The following CTNNA3 variants were observed in gnomAD, a reference collection of about 807,000 sequenced individuals.
CTNNA3 encodes the protein catenin alpha-3.
Under a neutral mutation model 95.7 loss-of-function variants are expected in CTNNA3, and 76 were observed. That is an observed-to-expected ratio of 0.79 (90% CI 0.66 to 0.96). The LOEUF is 0.96. Ranked by LOEUF, CTNNA3 falls within the 40% of genes least tolerant of loss-of-function variation. CTNNA3 has a pLI of 0.00. For missense variants in CTNNA3, 1,191 were observed against 1,089.8 expected (o/e 1.09, Z -1.31); for synonymous variants, 431 against 374.4 (o/e 1.15, Z -1.74).
chr10:67,039,858 T>C (rs1370516406), intron 7 of CTNNA3, among the ~76,000 whole-genome samples: 3 of 152,166 alleles, frequency 2.0e-5, no homozygotes, highest in Admixed American at 6.5e-5. Context: ...TCCAAGACCG[T>C]TACAGATTAA....
intron 7 of CTNNA3, among the ~76,000 whole-genome samples, chr10:66,971,433 A>G (rs949428854): frequency 6.6e-6 from 1 of 152,196 alleles, no homozygotes; most frequent in African/African-American, 2.4e-5. Flanking sequence ...TCTCAAAAAA[A>G]AAAATACATA....
intron 7 of CTNNA3, chr10:67,012,257 G>T (rs1309750835): frequency 2.0e-5 from 3 of 152,114 alleles, no homozygotes; most frequent in African/African-American, 7.2e-5. Flanking sequence ...GGATCATCTA[G>T]TCCAACCCAT....
intron 9 of CTNNA3, among the ~76,000 whole-genome samples, chr10:66,750,627 G>C (rs568870999): frequency 6.6e-6 from 1 of 152,182 alleles, no homozygotes; most frequent in East Asian, 1.9e-4. Context: ...TTTACAATAA[G>C]GCCTGAAGGC....
chr10:66,302,572 T>C (rs909681438), intron 12 of CTNNA3, among the ~76,000 whole-genome samples: 6 of 152,080 alleles, frequency 3.9e-5, no homozygotes, highest in African/African-American at 1.4e-4. Context: ...AAACAGACAT[T>C]AGTAGTGAAA....
intron 5 of CTNNA3, among the ~76,000 whole-genome samples, chr10:67,441,025 C>A (rs1352696888): frequency 6.6e-6 from 1 of 151,422 alleles, no homozygotes; most frequent in African/African-American, 2.4e-5. Flanking sequence ...CAAAAAGCTG[C>A]TTTAAGGAAA....
chr10:66,994,993 CT>C (rs1265223112), intron 7 of CTNNA3, among the ~76,000 whole-genome samples: 3 of 152,142 alleles, frequency 2.0e-5, no homozygotes, highest in African/African-American at 7.2e-5. Context: ...TACTTCTGTC[CT>C]GGTATTTCCC....
At position 67,744,121 on chromosome 10, in the gene CTNNA3, A is replaced by G. The variant is rs890459424; in HGVS notation, c.-2+19313T>C. Among the ~76,000 whole-genome samples, 69 of 151,384 alleles carry G rather than the reference A, an allele frequency of 4.6e-4. 3 individuals carry two copies. Among genetic ancestry groups the G allele is most frequent in the Non-Finnish European group, 9.3e-4 (63 of 67,708 alleles). ...CAATGCCATCCCCATCAAGCTGCCA[A>G]TGACTTTCTTCACAGAATTGGAAAA... On this transcript the variant is annotated intron_variant, in intron 1 of 17. Transcript: ENST00000684154.
chr10:66,250,822 C>T lies in CTNNA3; in HGVS notation c.1884+29648G>A, dbSNP rs998286066. On this transcript the variant is annotated intron_variant, in intron 13 of 17. Transcript: ENST00000433211. The stretch of plus-strand genomic sequence containing the variant: ...GTCTAATAATGTCACCGTACTACTG[C>T]TTTTTCTCTATCTTTTAGCTTCTGT... 3.9e-5 allele frequency among the ~76,000 whole-genome samples: 6 copies of T among 152,280 alleles called. No homozygotes were observed. The South Asian group carries it at 1.0e-3, about 26-fold the overall frequency.
At chr10:66,498,648 C>T (rs1386284211) in intron 11 of CTNNA3, among the ~76,000 whole-genome samples, 1 of 152,102 alleles carries the variant, frequency 6.6e-6, no homozygotes, top group Non-Finnish European at 1.5e-5. Flanking sequence ...AAGATCTTGG[C>T]ACGTAAACCT....
At chr10:66,202,256 G>T (rs1200869725) in intron 13 of CTNNA3, among the ~76,000 whole-genome samples, 1 of 152,084 alleles carries the variant, frequency 6.6e-6, no homozygotes. Flanking sequence ...CAGGCTAAAG[G>T]TTTCTCAGTA....
At chr10:67,139,296 CTAA>C (rs1860435956) in intron 7 of CTNNA3, among the ~76,000 whole-genome samples, 1 of 123,642 alleles carries the variant, frequency 8.1e-6, no homozygotes. Flanking sequence ...CCACGCCCGG[CTAA>C]TTTTTTTTTT....
At chr10:66,764,813 A>G (rs746612640) in intron 9 of CTNNA3, among the ~76,000 whole-genome samples, 6 of 152,090 alleles carry the variant, frequency 3.9e-5, no homozygotes, top group Non-Finnish European at 5.9e-5. Flanking sequence ...GGAATAAATA[A>G]AAGCAGATAA....
At chr10:66,711,246 G>A (rs10997335) in intron 9 of CTNNA3, among the ~76,000 whole-genome samples, 4,211 of 112,028 alleles carry the variant, frequency 0.038, 177 homozygotes, top group East Asian at 0.26. Flanking sequence ...GCCTTTCACC[G>A]TGAACAAGAA....
rs532233082 is a variant in CTNNA3 at position 67,108,451 on chromosome 10, A to G, written c.1047+71866T>C. On this transcript the variant is annotated intron_variant, in intron 7 of 17. Transcript: ENST00000433211. ...TTTTATACTATATAATGATATTTTG[A>G]TATTTTTAATTCAAATCAATAAAAT... Among the ~76,000 whole-genome samples, 539 of 152,222 alleles carry G rather than the reference A, an allele frequency of 3.5e-3. 4 individuals carry two copies. The highest frequency in any genetic ancestry group is 4.4e-3 in the Non-Finnish European group (301 of 67,998).
At chr10:65,955,328 T>C (rs1348917985) in intron 17 of CTNNA3, among the ~76,000 whole-genome samples, 5 of 152,228 alleles carry the variant, frequency 3.3e-5, no homozygotes, top group Admixed American at 2.0e-4. Context: ...TCATGTCATC[T>C]GCAAACAGGG....
At chr10:66,731,126 G>C (rs1848947231) in intron 9 of CTNNA3, among the ~76,000 whole-genome samples, 1 of 152,104 alleles carries the variant, frequency 6.6e-6, no homozygotes, top group African/African-American at 2.4e-5. Context: ...ATAAAAACAG[G>C]AGCAAATTGC....
rs1410462925 is a variant in CTNNA3 at position 67,671,867 on chromosome 10, A to G, written c.-6+24133T>C. Among the ~76,000 whole-genome samples, 3 of 152,078 alleles carry G rather than the reference A, an allele frequency of 2.0e-5. 1 individual carries two copies. Among genetic ancestry groups the G allele is most frequent in the Admixed American group, 2.0e-4 (3 of 15,258 alleles). The stretch of plus-strand genomic sequence containing the variant: ...CAGCATGATTTATAATCCTTTGGGT[A>G]TATACCCAGTAATGGGATGGCTGGG... On this transcript the variant is annotated intron_variant, in intron 1 of 17. Transcript: ENST00000433211.
At chr10:67,762,504 A>G (rs1841467361) in intron 1 of CTNNA3, among the ~76,000 whole-genome samples, 1 of 152,172 alleles carries the variant, frequency 6.6e-6, no homozygotes, top group South Asian at 2.1e-4. Context: ...GGAAGGTTAC[A>G]GAAGAAAAGG....
At chr10:66,158,766 T>C (rs930960902) in intron 13 of CTNNA3, among the ~76,000 whole-genome samples, 1 of 152,122 alleles carries the variant, frequency 6.6e-6, no homozygotes, top group African/African-American at 2.4e-5. Context: ...ATATTGATTC[T>C]ACCCATTCAT....
Sources: gnomAD v4.1 joint callset for allele counts (sites outside exome capture counted in the v4.1 genomes callset) on GRCh38, gnomAD v4.1.1 for gene constraint, MANE v1.5 for transcripts, NCBI Gene and HGNC (gene_info 2026-07-23, HGNC 2026-07-21) for gene names.